FANCC: variants seen among roughly 807,000 people sequenced by gnomAD.
FANCC encodes the protein Fanconi anemia group C protein.
In FANCC, 55 loss-of-function variants were observed where a neutral mutation model predicts 71.3. The observed-to-expected ratio is 0.77, with a 90% confidence interval of 0.62 to 0.97. FANCC has a LOEUF of 0.97. Among genes scored for constraint, FANCC ranks in the 50% least tolerant of loss-of-function variants. FANCC has a pLI of 0.00. For synonymous variants in FANCC, 275 were observed against 244.9 expected, an observed-to-expected ratio of 1.12 and a Z score of -1.15; for missense variants, 678 against 670.9, an observed-to-expected ratio of 1.01 and a Z score of -0.12.
rs149369865 is a variant in FANCC at position 95,109,203 on chromosome 9, C to T, written c.1330-1934G>A. On this transcript the variant is annotated intron_variant, in intron 13 of 14. Coordinates refer to ENST00000289081, the MANE Select transcript of FANCC (RefSeq NM_000136.3). ...CTGAGATTACAGGCATGAACCACCA[C>T]ACCCGTCCAAGAGCATGATTTTTCA... 5.5e-3 allele frequency among the ~76,000 whole-genome samples: 838 copies of T among 152,314 alleles called. 9 individuals are homozygous for T. The highest frequency in any genetic ancestry group is 0.019 in the African/African-American group (798 of 41,560).
intron 4 of FANCC, among the ~76,000 whole-genome samples, chr9:95,203,693 A>G (rs772401866): frequency 1.5e-4 from 23 of 152,190 alleles, no homozygotes; most frequent in Non-Finnish European, 2.9e-5. Flanking sequence ...AACCCTTTAC[A>G]TGTTAACAAA....
At chr9:95,161,023 T>C (rs1479255010) in intron 6 of FANCC, among the ~76,000 whole-genome samples, 4 of 152,156 alleles carry the variant, frequency 2.6e-5, no homozygotes, top group African/African-American at 9.7e-5. Flanking sequence ...GGGCTTTTGG[T>C]GACCCATGAA....
chr9:95,200,572 C>A (rs2135800571), intron 4 of FANCC, among the ~76,000 whole-genome samples: 1 of 152,238 alleles, frequency 6.6e-6, no homozygotes, highest in South Asian at 2.1e-4. Context: ...CTTCATTTAC[C>A]AAATGGGGAA....
rs533873167 is a variant in FANCC at position 95,268,816 on chromosome 9, A to G, written c.-78-19447T>C. ...TTCCAAAGACAGAAAGCCTCTCACC[A>G]GACCAGCCATGTGATGCCCTCCAGG... is the stretch of plus-strand genomic sequence containing the variant. On this transcript the variant is annotated intron_variant, in intron 1 of 14. Transcript: ENST00000289081. Among the ~76,000 whole-genome samples the G allele has an allele frequency of 6.6e-4, 100 of 152,296 alleles. 1 individual carries two copies. Among genetic ancestry groups the G allele is most frequent in the Non-Finnish European group, 1.2e-3 (82 of 68,012 alleles).
In FANCC at chr9:95,259,323, T is replaced by C. The variant is rs1047553640; in HGVS notation, c.-78-9954A>G. Among the ~76,000 whole-genome samples, 5 of 152,286 alleles carry C rather than the reference T, an allele frequency of 3.3e-5. No homozygotes were observed. In the South Asian group the frequency reaches 1.0e-3, roughly 32 times the overall value. On this transcript the variant is annotated intron_variant, in intron 1 of 14. Coordinates refer to ENST00000289081, the MANE Select transcript of FANCC (RefSeq NM_000136.3). ...CAAGGCTACAGGAACCAAAACAGCA[T>C]GGTACTGGTACCAAAACAGAGATAT...
intron 9 of FANCC, 38 bp downstream of exon 9, chr9:95,126,491 T>C (rs770745377): frequency 2.5e-6 from 4 of 1,593,714 alleles, no homozygotes; most frequent in Non-Finnish European, 3.4e-6. Flanking sequence ...TGGAACCTTT[T>C]TTACATCAAT....
At chr9:95,219,548 C>T (rs931100975) in intron 4 of FANCC, among the ~76,000 whole-genome samples, 1 of 151,720 alleles carries the variant, frequency 6.6e-6, no homozygotes, top group Non-Finnish European at 1.5e-5. Context: ...TTCAAAGGAA[C>T]GATATAAATT....
intron 10 of FANCC, among the ~76,000 whole-genome samples, chr9:95,121,247 C>G (rs559661826): frequency 2.6e-5 from 4 of 152,316 alleles, no homozygotes; most frequent in African/African-American, 7.2e-5. Context: ...GAAAAAGTGG[C>G]TTGTCACACC....
rs745843657 is a variant in FANCC, at chr9:95,288,737, C to CT, written c.-79+28788dup. ...ATTTGATCACACATAGGGCATTTCACTTTTTTTTTTTTTTAATTTCCAATG... is the reference window on the plus strand; with the variant it reads ...ATTTGATCACACATAGGGCATTTCACTTTTTTTTTTTTTTTAATTTCCAATG... On this transcript the variant is annotated intron_variant, in intron 1 of 14. Coordinates refer to ENST00000289081, the MANE Select transcript of FANCC (RefSeq NM_000136.3). 4.8e-3 allele frequency among the ~76,000 whole-genome samples: 690 copies of CT among 144,440 alleles called. 1 individual carries two copies. Among genetic ancestry groups the CT allele is most frequent in the African/African-American group, 0.012 (469 of 39,694 alleles). 94.8% of individuals were successfully genotyped at this position (144,440 alleles called of 152,430 possible). A position where few individuals can be genotyped will look rare whatever the true frequency, so the allele number is the denominator to read the frequency against.
At chr9:95,231,930 C>T (rs1284078074) in intron 4 of FANCC, among the ~76,000 whole-genome samples, 5 of 152,172 alleles carry the variant, frequency 3.3e-5, no homozygotes, top group African/African-American at 9.6e-5. Context: ...TTAGTCCATT[C>T]TCGCATTGCT....
At chr9:95,255,896 T>C (rs1326403837) in intron 1 of FANCC, among the ~76,000 whole-genome samples, 1 of 151,244 alleles carries the variant, frequency 6.6e-6, no homozygotes, top group Non-Finnish European at 1.5e-5. Flanking sequence ...TACACAAGTA[T>C]CAATAGTTGA....
At chr9:95,294,007 CAA>C in intron 1 of FANCC, 1 of 1,593,780 alleles carries the variant, frequency 6.3e-7, no homozygotes, top group Admixed American at 1.7e-5. Context: ...GACTTTAAAT[CAA>C]GAGATTGAGA....
At chr9:95,260,407 G>C (rs1024258873) in intron 1 of FANCC, among the ~76,000 whole-genome samples, 2 of 152,122 alleles carry the variant, frequency 1.3e-5, no homozygotes, top group African/African-American at 2.4e-5. Context: ...GGATGAAGCC[G>C]GAAGCCGTCA....
chr9:95,243,766 C>A (rs1830773044), intron 3 of FANCC, among the ~76,000 whole-genome samples: 1 of 152,186 alleles, frequency 6.6e-6, no homozygotes, highest in Admixed American at 6.5e-5. Flanking sequence ...TGCACTCCAG[C>A]CTGGGTGAAA....
chr9:95,179,994 T>C (rs1261094934), intron 4 of FANCC, among the ~76,000 whole-genome samples: 3 of 152,272 alleles, frequency 2.0e-5, no homozygotes, highest in East Asian at 1.9e-4. Context: ...GTCAGAAGCA[T>C]GAACAAGGCT....
chr9:95,129,028 G>A (rs1474728700), intron 8 of FANCC, among the ~76,000 whole-genome samples: 4 of 151,684 alleles, frequency 2.6e-5, no homozygotes, highest in East Asian at 1.9e-4. Flanking sequence ...TTAGCCTCCT[G>A]AGTAGCTGGG....
In FANCC at chr9:95,222,614, A is replaced by T. The variant is rs1211234901; in HGVS notation, c.345+18035T>A. ...TCAAAACTATCAAATTATACACTTT[A>T]AGAGTGCATTTGATCGCACGTAAAA... is the stretch of plus-strand genomic sequence containing the variant. On this transcript the variant is annotated intron_variant, in intron 4 of 14. Transcript: ENST00000289081. 2.6e-5 allele frequency among the ~76,000 whole-genome samples: 4 copies of T among 152,262 alleles called. No individual in the cohort carries two copies. The East Asian group carries it at 7.7e-4, about 29-fold the overall frequency.
chr9:95,125,132 A>G lies in FANCC; in HGVS notation c.950T>C (p.Val317Ala). 6.2e-7 allele frequency: 1 copy of G among 1,614,208 alleles called. No homozygotes were observed. The highest frequency in any genetic ancestry group is 8.5e-7 in the Non-Finnish European group (1 of 1,180,032). The change falls in exon 10 of 15, where the codon GTG (valine) becomes GCG (alanine). Residue 317 changes from valine (V) to alanine (A), a missense_variant. Physicochemically the swap from Val to Ala is moderately conservative, Grantham distance 64. Coordinates refer to ENST00000289081, the MANE Select transcript of FANCC (RefSeq NM_000136.3). ...GALEIIATIQVFTQCFVEALE... is the reference protein window; with the variant it reads ...GALEIIATIQAFTQCFVEALE... ...AGCTTCTACAAAGCACTGCGTAAACACCTGAATAGTGGCTATGATTTCCAG... is the reference window on the plus strand; with the variant it reads ...AGCTTCTACAAAGCACTGCGTAAACGCCTGAATAGTGGCTATGATTTCCAG...
At chr9:95,252,733 A>G (rs1351452877) in intron 1 of FANCC, among the ~76,000 whole-genome samples, 2 of 141,800 alleles carry the variant, frequency 1.4e-5, no homozygotes, top group Non-Finnish European at 3.0e-5. Flanking sequence ...CAACAGAGCG[A>G]GACTCTGTCT....
Sources: gnomAD v4.1 joint callset for allele counts (sites outside exome capture counted in the v4.1 genomes callset) on GRCh38, gnomAD v4.1.1 for gene constraint, MANE v1.5 for transcripts, NCBI Gene and HGNC (gene_info 2026-07-23, HGNC 2026-07-21) for gene names.